The following ZNF423 variants were observed in gnomAD, a reference collection of about 807,000 sequenced individuals.
ZNF423 encodes zinc finger protein 423, also known as Ebf-associated zinc finger protein.
Under a neutral mutation model 95.8 loss-of-function variants are expected in ZNF423, and 12 were observed. The observed-to-expected ratio is 0.13, with a 90% CI of 0.08 to 0.20. The LOEUF is 0.20. ZNF423 is among the 10% of genes least tolerant of loss of function. The pLI is 1.00. For synonymous variants in ZNF423, 749 were observed against 711.9 expected, an observed-to-expected ratio of 1.05 and a Z score of -0.83; for missense variants, 1,316 against 1,737.1, an observed-to-expected ratio of 0.76 and a Z score of 4.31.
intron 5 of ZNF423, among the ~76,000 whole-genome samples, chr16:49,575,264 C>G (rs1221943224): frequency 1.3e-5 from 2 of 152,162 alleles, no homozygotes; most frequent in African/African-American, 4.8e-5. Context: ...AAAAAAACTG[C>G]TATCACCAGC....
chr16:49,636,299 C>A lies in ZNF423; in HGVS notation c.2877G>T (p.Thr959=). The A allele has an allele frequency of 6.2e-7, 1 of 1,612,646 alleles. No homozygotes were observed. Among genetic ancestry groups the A allele is most frequent in the Non-Finnish European group, 8.5e-7 (1 of 1,180,022 alleles). Reference sequence around the variant, plus strand: ...TGTAGTGCTTGGCAGGGCCCCGGTGCGTCTGCAGGTGCTCCCGTAGCCCGT... The same window carrying A: ...TGTAGTGCTTGGCAGGGCCCCGGTGAGTCTGCAGGTGCTCCCGTAGCCCGT... ...SENGLREHLQ[T]HRGPAKHYMC... is the part of the protein sequence containing the mutation. The change falls in exon 4 of 8, where the codon ACG becomes ACT. Residue 959 remains threonine (T), a synonymous_variant. Coordinates refer to ENST00000563137, the MANE Select transcript of ZNF423 (RefSeq NM_001379286.1). This position sits in a 1 kb window ranked among gnomAD's most constrained non-coding sequence, Gnocchi z 8.6.
rs540646120 is a variant in ZNF423, at chr16:49,778,744, G to A, written c.100+10743C>T. On this transcript the variant is annotated intron_variant, in intron 2 of 7. Coordinates refer to ENST00000563137, the MANE Select transcript of ZNF423 (RefSeq NM_001379286.1). ...CTGTGACGATGTGACGAGAAGGAGG[G>A]GCCCATCTGAGCCTTCTCTGTCACC... 8.5e-5 allele frequency among the ~76,000 whole-genome samples: 13 copies of A among 152,274 alleles called. 1 individual carries two copies. Among genetic ancestry groups the A allele is most frequent in the South Asian group, 8.3e-4 (4 of 4,822 alleles).
At chr16:49,773,235 C>T (rs1371648238) in intron 2 of ZNF423, among the ~76,000 whole-genome samples, 2 of 152,104 alleles carry the variant, frequency 1.3e-5, no homozygotes, top group African/African-American at 4.8e-5. Context: ...AGGAGAATCG[C>T]TTGAACCCAG....
chr16:49,497,658 AC>A (rs1225394033), intron 7 of ZNF423, among the ~76,000 whole-genome samples: 7 of 151,878 alleles, frequency 4.6e-5, no homozygotes, highest in Admixed American at 3.9e-4. Context: ...ACCACTGGCC[AC>A]TCCCTGGCAG....
chr16:49,555,798 GATGAA>G (rs1969803510), intron 5 of ZNF423, among the ~76,000 whole-genome samples: 2 of 152,288 alleles, frequency 1.3e-5, no homozygotes, highest in South Asian at 2.1e-4. Flanking sequence ...TGGATGGACA[GATGAA>G]ATGAAGAGGT....
intron 3 of ZNF423, among the ~76,000 whole-genome samples, chr16:49,693,366 C>T (rs1226219650): frequency 2.6e-5 from 4 of 152,296 alleles, no homozygotes; most frequent in African/African-American, 7.2e-5. Flanking sequence ...TGCCCAATGT[C>T]ACACAGTAAG....
intron 1 of ZNF423, among the ~76,000 whole-genome samples, chr16:49,813,264 A>G (rs1261805913): frequency 1.3e-5 from 2 of 151,938 alleles, no homozygotes; most frequent in Non-Finnish European, 2.9e-5. Context: ...CTAACAGGCA[A>G]CGGCGCACTT....
At chr16:49,532,541 C>A (rs1449233311) in intron 5 of ZNF423, among the ~76,000 whole-genome samples, 1 of 152,230 alleles carries the variant, frequency 6.6e-6, no homozygotes, top group African/African-American at 2.4e-5. Flanking sequence ...GCAGCCTGAA[C>A]CGGGCCCCAC....
At chr16:49,814,896 C>T (rs866132614) in intron 1 of ZNF423, among the ~76,000 whole-genome samples, 17 of 152,200 alleles carry the variant, frequency 1.1e-4, no homozygotes, top group Middle Eastern at 6.8e-3. Flanking sequence ...CGACAGGAGG[C>T]GGTCAGGTCT....
At chr16:49,804,884 C>A (rs1394207899) in intron 1 of ZNF423, among the ~76,000 whole-genome samples, 1 of 147,700 alleles carries the variant, frequency 6.8e-6, no homozygotes, top group African/African-American at 2.5e-5. Context: ...AAACCCTGAT[C>A]CCACAGCTTT....
rs71380366 is a variant in ZNF423, at chr16:49,646,574, C to CTTTTTTTTTTTTTT, written c.302-7714_302-7701dup. ...TTATGGCACATTTTCTTTTCTTTTTCTTTTTTTTTTTTTTGAGAAGGAGTC... is the reference window on the plus strand; with the variant it reads ...TTATGGCACATTTTCTTTTCTTTTTCTTTTTTTTTTTTTTTTTTTTTTTTTTTTGAGAAGGAGTC... On this transcript the variant is annotated intron_variant, in intron 3 of 7. Coordinates refer to ENST00000563137, the MANE Select transcript of ZNF423 (RefSeq NM_001379286.1). 1.5e-4 allele frequency among the ~76,000 whole-genome samples: 18 copies of CTTTTTTTTTTTTTT among 117,986 alleles called. 1 individual carries two copies. Among genetic ancestry groups the CTTTTTTTTTTTTTT allele is most frequent in the South Asian group, 2.8e-4 (1 of 3,610 alleles). The allele number at this position is 117,986 out of a possible 152,430, so 77.4% of individuals were successfully genotyped here.
At chr16:49,736,873 G>A (rs192326405) in intron 2 of ZNF423, among the ~76,000 whole-genome samples, 223 of 152,312 alleles carry the variant, frequency 1.5e-3, no homozygotes, top group African/African-American at 5.2e-3. Context: ...AGATGATGAC[G>A]TTGAGAGCAG....
At chr16:49,850,374 C>T (rs747478466) in intron 1 of ZNF423, among the ~76,000 whole-genome samples, 5 of 152,212 alleles carry the variant, frequency 3.3e-5, no homozygotes, top group African/African-American at 7.2e-5. Flanking sequence ...TGCAAGCTGA[C>T]GGGAATTTGC....
chr16:49,523,017 G>C (rs547960819), intron 7 of ZNF423, among the ~76,000 whole-genome samples: 1 of 152,298 alleles, frequency 6.6e-6, no homozygotes, highest in East Asian at 1.9e-4. Context: ...TGCCTGGGAA[G>C]ACCGTCACAC....
At chr16:49,810,529 T>G (rs979398308) in intron 1 of ZNF423, among the ~76,000 whole-genome samples, 3 of 151,946 alleles carry the variant, frequency 2.0e-5, no homozygotes, top group Non-Finnish European at 4.4e-5. Flanking sequence ...CGCATCAGGG[T>G]CCCCTATGCT....
Position 49,539,048 on chromosome 16 carries a change from G to A in ZNF423, c.3602-13554C>T, listed in dbSNP as rs923687213. 2.0e-5 allele frequency among the ~76,000 whole-genome samples: 3 copies of A among 152,164 alleles called. No homozygotes were observed. In the East Asian group the frequency reaches 5.8e-4, roughly 29 times the overall value. On this transcript the variant is annotated intron_variant, in intron 5 of 7. Coordinates refer to ENST00000563137, the MANE Select transcript of ZNF423 (RefSeq NM_001379286.1). ...CTGTGCACATGTGTGTCCATCTCTTGATCATGTCCCGTGGGAAGAGAGGTG... is the reference window on the plus strand; with the variant it reads ...CTGTGCACATGTGTGTCCATCTCTTAATCATGTCCCGTGGGAAGAGAGGTG...
intron 3 of ZNF423, among the ~76,000 whole-genome samples, chr16:49,686,543 A>T (rs1324920230): frequency 6.6e-6 from 1 of 152,012 alleles, no homozygotes; most frequent in African/African-American, 2.4e-5. Flanking sequence ...CACACGGAGG[A>T]TGCAGGTCCC....
chr16:49,502,176 C>T (rs1279550890), intron 7 of ZNF423, among the ~76,000 whole-genome samples: 1 of 152,174 alleles, frequency 6.6e-6, no homozygotes, highest in African/African-American at 2.4e-5. Context: ...GTGAGGGCCT[C>T]GAGAAGCCCC....
At chr16:49,639,333 T>C (rs1472252550) in intron 3 of ZNF423, among the ~76,000 whole-genome samples, 1 of 152,220 alleles carries the variant, frequency 6.6e-6, no homozygotes, top group Non-Finnish European at 1.5e-5. Context: ...GAAATCCCAC[T>C]GGTCCTTATG....
Sources: gnomAD v4.1 joint callset for allele counts (sites outside exome capture counted in the v4.1 genomes callset) on GRCh38, gnomAD v4.1.1 for gene constraint, Gnocchi (gnomAD v3.1) non-coding constraint, MANE v1.5 for transcripts, NCBI Gene and HGNC (gene_info 2026-07-23, HGNC 2026-07-21) for gene names.